The following RABL2A variants were observed in gnomAD, a reference collection of about 807,000 sequenced individuals.
The protein encoded by RABL2A is RAB, member of RAS oncogene family like 2A.
Under a neutral mutation model 30.7 loss-of-function variants are expected in RABL2A, and 17 were observed. The ratio of observed to expected loss-of-function variants is 0.55; its 90% CI spans 0.38 to 0.83. The LOEUF is 0.83. Ranked by LOEUF, RABL2A falls within the 40% of genes least tolerant of loss-of-function variation. The probability of loss-of-function intolerance (pLI) is 0.00; values close to 1 mark genes in which losing one functional copy is unlikely to be tolerated. For missense variants in RABL2A, 155 were observed against 272.6 expected (o/e 0.57, Z 3.04); for synonymous variants, 64 against 101.8 (o/e 0.63, Z 2.24).
chr2:113,627,695 A>G (rs1678621994), intron 1 of RABL2A, among the ~76,000 whole-genome samples: 1 of 152,110 alleles, frequency 6.6e-6, no homozygotes, highest in Non-Finnish European at 1.5e-5. Flanking sequence ...AGGAGGGAGG[A>G]TCGCTTGAGT....
chr2:113,642,485 G>C lies in RABL2A; in HGVS notation c.*356G>C, dbSNP rs1165660412. On this transcript the variant is annotated 3_prime_UTR_variant, in exon 9 of 9. Transcript: ENST00000683472. ...GGTGTTTTTTGGTGTTTTTGTTTTTGTTTTCTTTCCAAAGCTCACCTCGGG... is the reference window on the plus strand; with the variant it reads ...GGTGTTTTTTGGTGTTTTTGTTTTTCTTTTCTTTCCAAAGCTCACCTCGGG... The C allele has an allele frequency of 6.2e-6, 2 of 321,950 alleles. No individual in the cohort carries two copies. Among genetic ancestry groups the C allele is most frequent in the Non-Finnish European group, 1.1e-5 (2 of 174,120 alleles). 19.9% of individuals were successfully genotyped at this position (321,950 alleles called of 1,614,324 possible).
intron 3 of RABL2A, 62 bp downstream of exon 3, chr2:113,633,006 T>C: frequency 6.2e-7 from 1 of 1,612,908 alleles, no homozygotes; most frequent in Non-Finnish European, 8.5e-7. Context: ...CATGTATCAG[T>C]GTCCCACTGC....
rs793066 is a variant in RABL2A, at chr2:113,642,619, A to G, written c.*490A>G. ...TTTCTCCCATCTTTTTTCCTCTTCAATCTCCCAGTCATCTGGTTTGTTTGT... is the reference window on the plus strand; with the variant it reads ...TTTCTCCCATCTTTTTTCCTCTTCAGTCTCCCAGTCATCTGGTTTGTTTGT... On this transcript the variant is annotated 3_prime_UTR_variant, in exon 9 of 9. Transcript: ENST00000683472. 0.24 allele frequency: 48,772 copies of G among 206,832 alleles called. 8,121 individuals carry two copies. Among genetic ancestry groups the G allele is most frequent in the African/African-American group, 0.52 (20,709 of 40,184 alleles). 12.8% of individuals were successfully genotyped at this position (206,832 alleles called of 1,614,324 possible). A position where few individuals can be genotyped will look rare whatever the true frequency, so the allele number is the denominator to read the frequency against.
intron 2 of RABL2A, among the ~76,000 whole-genome samples, chr2:113,629,575 C>T (rs1051387202): frequency 2.6e-5 from 4 of 151,742 alleles, no homozygotes; most frequent in Non-Finnish European, 4.4e-5. Flanking sequence ...CGCTCTGTCC[C>T]CCAGGCTGGA....
intron 4 of RABL2A, among the ~76,000 whole-genome samples, chr2:113,634,799 T>C (rs1681883057): frequency 6.6e-6 from 1 of 152,062 alleles, no homozygotes; most frequent in African/African-American, 2.4e-5. Context: ...GGGCTTCCAG[T>C]GTGTTGTCCT....
chr2:113,629,536 A>G (rs1159659921), intron 2 of RABL2A, among the ~76,000 whole-genome samples: 1 of 141,088 alleles, frequency 7.1e-6, no homozygotes, highest in Non-Finnish European at 1.5e-5. Flanking sequence ...CTGGTTTAGA[A>G]TTTTTTTTTT....
At chr2:113,634,795 C>G (rs1345578767) in intron 4 of RABL2A, among the ~76,000 whole-genome samples, 1 of 152,124 alleles carries the variant, frequency 6.6e-6, no homozygotes, top group Non-Finnish European at 1.5e-5. Context: ...CCTTGGGCTT[C>G]CAGTGTGTTG....
At position 113,629,275 on chromosome 2, in the gene RABL2A, A is replaced by C. The variant is rs191607008; in HGVS notation, c.107+562A>C. ...TCTCACGCCTAGGACTGCTGAGGGC[A>C]CATGTCCATTTCCGCCTTCATAGCA... is the stretch of plus-strand genomic sequence containing the variant. On this transcript the variant is annotated intron_variant, in intron 2 of 8. Transcript: ENST00000683472. Among the ~76,000 whole-genome samples the C allele has an allele frequency of 5.5e-3, 840 of 152,296 alleles. 7 individuals carry two copies. Among genetic ancestry groups the C allele is most frequent in the African/African-American group, 0.019 (777 of 41,542 alleles).
intron 5 of RABL2A, among the ~76,000 whole-genome samples, chr2:113,639,093 G>C (rs900715080): frequency 1.3e-5 from 2 of 151,900 alleles, no homozygotes; most frequent in Non-Finnish European, 2.9e-5. Context: ...GACCAGCCTC[G>C]TTAATATAAT....
At chr2:113,641,636 G>C in intron 7 of RABL2A, 145 bp from the exon 8 acceptor site, 1 of 693,344 alleles carries the variant, frequency 1.4e-6, no homozygotes, top group Non-Finnish European at 2.5e-6. Flanking sequence ...ACCATACATA[G>C]GTCAGGGTGA....
At position 113,634,390 on chromosome 2, in the gene RABL2A, C is replaced by G. The variant is rs1681650877; in HGVS notation, c.217+158C>G. On this transcript the variant is annotated intron_variant, in intron 4 of 8. Coordinates refer to ENST00000683472, the MANE Select transcript of RABL2A (RefSeq NM_001306158.2). ...TAGAGAGAACCCAGAGAGCCAGGAGCCAGGAGGGTGGAAGGGGGCACGCAG... is the reference window on the plus strand; with the variant it reads ...TAGAGAGAACCCAGAGAGCCAGGAGGCAGGAGGGTGGAAGGGGGCACGCAG... The G allele has an allele frequency of 5.1e-5, 46 of 907,336 alleles. No individual in the cohort carries two copies. In the South Asian group the frequency reaches 6.4e-4, roughly 13 times the overall value. 56.2% of individuals were successfully genotyped at this position (907,336 alleles called of 1,614,324 possible). A position where few individuals can be genotyped will look rare whatever the true frequency, so the allele number is the denominator to read the frequency against.
chr2:113,628,431 A>T lies in RABL2A; in HGVS notation c.-53-123A>T. ...CATCCTCTGCTACTCCAAGTCTAGT[A>T]GCCAATTGCATACCATATCTCAGTC... On this transcript the variant is annotated intron_variant, in intron 1 of 8. Transcript: ENST00000683472. The T allele has an allele frequency of 7.5e-6, 5 of 669,022 alleles. 2 individuals carry two copies. The highest frequency in any genetic ancestry group is 1.1e-5 in the Non-Finnish European group (5 of 463,052). The allele number at this position is 669,022 out of a possible 1,614,324, so 41.4% of individuals were successfully genotyped here.
rs1685770302 is a variant in RABL2A at position 113,643,296 on chromosome 2, T to A, written c.*1167T>A. 1.4e-5 allele frequency: 5 copies of A among 351,638 alleles called. No homozygotes were observed. Among genetic ancestry groups the A allele is most frequent in the South Asian group, 1.1e-4 (5 of 47,384 alleles). The allele number at this position is 351,638 out of a possible 1,614,324, so 21.8% of individuals were successfully genotyped here. A position where few individuals can be genotyped will look rare whatever the true frequency, so the allele number is the denominator to read the frequency against. ...CTGGTACTTGTGGCTTGCTAGTATG[T>A]TTTTATGATAATCTCGGGCATTGTT... On this transcript the variant is annotated 3_prime_UTR_variant, in exon 9 of 9. Transcript: ENST00000683472.
chr2:113,641,685 A>G, intron 7 of RABL2A, 96 bp from the exon 8 acceptor site: 1 of 611,694 alleles, frequency 1.6e-6, no homozygotes, highest in Non-Finnish European at 2.9e-6. Context: ...TGCTGATTTT[A>G]GGAATGGAGT....
At chr2:113,631,209 T>G (rs1163175096) in intron 2 of RABL2A, among the ~76,000 whole-genome samples, 4 of 152,210 alleles carry the variant, frequency 2.6e-5, no homozygotes, top group Admixed American at 6.5e-5. Context: ...AGACGTGGCT[T>G]TCTGATTCCA....
chr2:113,638,586 G>C (rs1281203466), intron 5 of RABL2A: 14 of 983,456 alleles, frequency 1.4e-5, no homozygotes, highest in Non-Finnish European at 1.7e-5. Context: ...GGTAGAAACA[G>C]GCTGGGCGCG....
chr2:113,641,458 T>C lies in RABL2A; in HGVS notation c.507+8T>C, dbSNP rs371803550. ...GGTACCAATGTTGTGAAGGTGTGGT[T>C]GACTGCAGAGGTAGCTAGCAAGGTC... On this transcript the variant is annotated splice_region_variant and intron_variant, in intron 7 of 8. Coordinates refer to ENST00000683472, the MANE Select transcript of RABL2A (RefSeq NM_001306158.2). 2.3e-4 allele frequency: 365 copies of C among 1,612,490 alleles called. 1 individual carries two copies. Among genetic ancestry groups the C allele is most frequent in the Middle Eastern group, 3.3e-4 (2 of 6,058 alleles).
Position 113,629,820 on chromosome 2 carries a change from G to A in RABL2A, c.107+1107G>A, listed in dbSNP as rs1015669142. ...CCGAAAGTGCTGGGATTATAGGCAT[G>A]AGCCACCGCGCCCGGCCTCTGGTTT... On this transcript the variant is annotated intron_variant, in intron 2 of 8. Coordinates refer to ENST00000683472, the MANE Select transcript of RABL2A (RefSeq NM_001306158.2). Among the ~76,000 whole-genome samples, 7 of 152,250 alleles carry A rather than the reference G, an allele frequency of 4.6e-5. No homozygotes were observed. The Middle Eastern group carries it at 0.014, about 296-fold the overall frequency.
At chr2:113,636,134 T>C (rs1682610153) in intron 5 of RABL2A, among the ~76,000 whole-genome samples, 1 of 151,842 alleles carries the variant, frequency 6.6e-6, no homozygotes, top group South Asian at 2.1e-4. Flanking sequence ...TTCATGAATA[T>C]CAGCCATCAA....
Sources: allele counts gnomAD v4.1 joint callset (sites outside exome capture counted in the v4.1 genomes callset), GRCh38; gene constraint gnomAD v4.1.1; transcripts MANE v1.5; gene names NCBI Gene and HGNC (gene_info 2026-07-23, HGNC 2026-07-21).